Variants in ADISSP observed in about 807,000 individuals in gnomAD.
ADISSP encodes adipose secreted signaling protein, also known as adipose-secreted signaling protein.
the ADISSP span, chr20:3,753,732 G>C: frequency 4.8e-6 from 2 of 419,620 alleles, no homozygotes; most frequent in Non-Finnish European, 8.9e-6. Context: ...CCAGACCCTG[G>C]TGGGAGTCCC....
chr20:3,758,742 C>T, the ADISSP span: 1 of 1,501,018 alleles, frequency 6.7e-7, no homozygotes, highest in South Asian at 1.2e-5. This position sits in a 1 kb window ranked among gnomAD's most constrained non-coding sequence, Gnocchi z 5.5. Context: ...TCCCCCTTGT[C>T]CCCTCGTCAC....
chr20:3,754,514 T>C, the ADISSP span: 2 of 1,612,438 alleles, frequency 1.2e-6, no homozygotes, highest in South Asian at 2.2e-5. Context: ...CACTTGACAC[T>C]ATAACCTGCC....
chr20:3,755,451 C>T, the ADISSP span: 1 of 1,607,536 alleles, frequency 6.2e-7, no homozygotes, highest in Non-Finnish European at 8.5e-7. Flanking sequence ...CCAGGCCCTG[C>T]TGGAGGAGGG....
chr20:3,761,150 C>T, the ADISSP span, among the ~76,000 whole-genome samples: 1 of 152,088 alleles, frequency 6.6e-6, no homozygotes, highest in African/African-American at 2.4e-5. Context: ...GCTCTTCTTT[C>T]GGAAAGAATT....
At chr20:3,754,094 G>C in the ADISSP span, 1 of 1,613,400 alleles carries the variant, frequency 6.2e-7, no homozygotes, top group Admixed American at 1.7e-5. Flanking sequence ...GCTCTGAGTC[G>C]TATTCCAGCT....
chr20:3,759,992 T>C, the ADISSP span: 1 of 1,594,030 alleles, frequency 6.3e-7, no homozygotes, highest in South Asian at 1.1e-5. This position sits in a 1 kb window ranked among gnomAD's most constrained non-coding sequence, Gnocchi z 4.6. Flanking sequence ...CACACACAGG[T>C]GGTGCGGGCC....
the ADISSP span, among the ~76,000 whole-genome samples, chr20:3,757,730 G>A: frequency 6.6e-6 from 1 of 152,184 alleles, no homozygotes; most frequent in Non-Finnish European, 1.5e-5. Context: ...CTGGGTTCAA[G>A]CAATTCTTCT....
chr20:3,754,212 G>GGT, the ADISSP span: 1 of 1,542,172 alleles, frequency 6.5e-7, no homozygotes. Flanking sequence ...CCACCCATGC[G>GGT]GCCCACTAAG....
At chr20:3,754,567 G>C in the ADISSP span, 3 of 1,591,162 alleles carry the variant, frequency 1.9e-6, no homozygotes, top group Non-Finnish European at 2.6e-6. Flanking sequence ...CAGCCTCCCC[G>C]ATCCTGCCCC....
At chr20:3,759,869 C>T in the ADISSP span, 3 of 723,118 alleles carry the variant, frequency 4.1e-6, no homozygotes, top group Admixed American at 2.2e-5. The surrounding 1 kb of genome is among the most constrained non-coding windows in gnomAD (Gnocchi z 4.6). Context: ...GTCAGCAGGG[C>T]TCTGCAGGGG....
the ADISSP span, chr20:3,755,569 G>A: frequency 7.4e-6 from 12 of 1,612,982 alleles, no homozygotes; most frequent in Non-Finnish European, 9.3e-6. Context: ...GCAGAGTGAA[G>A]GTAATCTCAT....
At chr20:3,755,549 T>C in the ADISSP span, 3 of 1,613,516 alleles carry the variant, frequency 1.9e-6, no homozygotes, top group Non-Finnish European at 2.5e-6. Context: ...GCTCAGCCTG[T>C]GCACTGGGGG....
the ADISSP span, among the ~76,000 whole-genome samples, chr20:3,764,209 C>G: frequency 2.0e-5 from 3 of 152,104 alleles, no homozygotes; most frequent in Non-Finnish European, 4.4e-5. Flanking sequence ...AGTGTGAGGC[C>G]CTCCTATCCT....
the ADISSP span, among the ~76,000 whole-genome samples, chr20:3,758,172 G>A: frequency 6.6e-6 from 1 of 152,244 alleles, no homozygotes; most frequent in Non-Finnish European, 1.5e-5. This position sits in a 1 kb window ranked among gnomAD's most constrained non-coding sequence, Gnocchi z 5.5. Context: ...TAGGGGATGT[G>A]ATTGTCTCCA....
chr20:3,759,864 C>T, the ADISSP span: 1 of 693,640 alleles, frequency 1.4e-6, no homozygotes, highest in Non-Finnish European at 2.5e-6. The surrounding 1 kb of genome is among the most constrained non-coding windows in gnomAD (Gnocchi z 4.6). Context: ...AAGGAGTCAG[C>T]AGGGCTCTGC....
the ADISSP span, among the ~76,000 whole-genome samples, chr20:3,764,036 C>T: frequency 1.3e-5 from 2 of 152,234 alleles, no homozygotes; most frequent in African/African-American, 4.8e-5. Flanking sequence ...CACCCATTCA[C>T]CTCTGGCCAG....
At chr20:3,753,885 G>A in the ADISSP span, 33 of 614,300 alleles carry the variant, frequency 5.4e-5, no homozygotes, top group Non-Finnish European at 8.2e-5. Flanking sequence ...GAGGACGAGG[G>A]AGGGGCAGGG....
chr20:3,761,485 G>A, the ADISSP span, among the ~76,000 whole-genome samples: 439 of 152,180 alleles, frequency 2.9e-3, no homozygotes, highest in Middle Eastern at 6.8e-3. Context: ...ACAGGCGCCC[G>A]CCACCACGCC....
chr20:3,753,901 G>A, the ADISSP span: 3 of 624,406 alleles, frequency 4.8e-6, no homozygotes, highest in Non-Finnish European at 5.8e-6. Context: ...CAGGGTGGCA[G>A]CACAAATGAA....
Sources: allele counts gnomAD v4.1 joint callset (sites outside exome capture counted in the v4.1 genomes callset), GRCh38; gene constraint gnomAD v4.1.1; non-coding constraint Gnocchi (gnomAD v3.1); transcripts MANE v1.5; gene names NCBI Gene and HGNC (gene_info 2026-07-23, HGNC 2026-07-21).